UBE2D2: variants seen among roughly 807,000 people sequenced by gnomAD.
UBE2D2 encodes ubiquitin conjugating enzyme E2 D2, also known as ubiquitin-conjugating enzyme E2 D2.
A neutral mutation model predicts 24.2 loss-of-function variants in UBE2D2; 2 were observed. The observed-to-expected ratio is 0.08, with a 90% CI of 0.03 to 0.26. UBE2D2 has a LOEUF of 0.26. Ranked by LOEUF, UBE2D2 falls within the 10% of genes least tolerant of loss-of-function variation. UBE2D2 has a pLI of 1.00. For missense variants in UBE2D2, 44 were observed against 177.6 expected (o/e 0.25, Z 4.28); for synonymous variants, 58 against 56.5 (o/e 1.03, Z -0.12).
intron 2 of UBE2D2, among the ~76,000 whole-genome samples, chr5:139,606,393 C>T (rs1279735140): frequency 6.6e-6 from 1 of 151,994 alleles, no homozygotes; most frequent in Non-Finnish European, 1.5e-5. Context: ...GAACTCCTGA[C>T]CTCAGGTGAT....
chr5:139,561,874 T>A, intron 1 of UBE2D2, 59 bp downstream of exon 1: 1 of 1,428,352 alleles, frequency 7.0e-7, no homozygotes, highest in Non-Finnish European at 9.1e-7. Flanking sequence ...GGCCTGCACT[T>A]CCCGCCGTAG....
chr5:139,528,696 G>A (rs982256911), intron 1 of UBE2D2, among the ~76,000 whole-genome samples: 3 of 152,190 alleles, frequency 2.0e-5, no homozygotes, highest in Non-Finnish European at 2.9e-5. Flanking sequence ...ACCAAAGCTT[G>A]CTCTGTGAAA....
chr5:139,607,319 T>G (rs1249815125), intron 2 of UBE2D2, among the ~76,000 whole-genome samples: 2 of 152,262 alleles, frequency 1.3e-5, no homozygotes, highest in Admixed American at 1.3e-4. Context: ...AATGCTTTAA[T>G]TACATTCATG....
chr5:139,580,871 C>G (rs1206431182), intron 1 of UBE2D2, among the ~76,000 whole-genome samples: 1 of 152,172 alleles, frequency 6.6e-6, no homozygotes, highest in Non-Finnish European at 1.5e-5. Flanking sequence ...AGCTATGATT[C>G]ACACCACTGT....
At chr5:139,587,070 G>A (rs961065574) in intron 1 of UBE2D2, among the ~76,000 whole-genome samples, 2 of 152,154 alleles carry the variant, frequency 1.3e-5, no homozygotes, top group Non-Finnish European at 2.9e-5. Context: ...ACCTGGGGTT[G>A]TTGGCCTCAT....
chr5:139,581,986 T>G (rs400752), intron 1 of UBE2D2, among the ~76,000 whole-genome samples: 9,318 of 151,560 alleles, frequency 0.061, 335 homozygotes, highest in South Asian at 0.11. Flanking sequence ...GGTTTTTTTT[T>G]GTTTTTGTTT....
intron 1 of UBE2D2, among the ~76,000 whole-genome samples, chr5:139,551,933 G>A (rs939104172): frequency 3.9e-5 from 6 of 152,176 alleles, no homozygotes; most frequent in African/African-American, 1.4e-4. Flanking sequence ...CATGGATATG[G>A]TGCCAGATCC....
At chr5:139,607,717 G>GA (rs1166074625) in intron 2 of UBE2D2, among the ~76,000 whole-genome samples, 2 of 152,152 alleles carry the variant, frequency 1.3e-5, no homozygotes, top group Non-Finnish European at 2.9e-5. Context: ...AATAATGTAA[G>GA]AATGTTCGGC....
At chr5:139,600,912 C>T (rs1482552104) in intron 2 of UBE2D2, among the ~76,000 whole-genome samples, 2 of 152,172 alleles carry the variant, frequency 1.3e-5, no homozygotes, top group South Asian at 2.1e-4. Context: ...AAGTGATTCT[C>T]GTGCCTCAGC....
At chr5:139,578,526 C>T (rs1169106081) in intron 1 of UBE2D2, among the ~76,000 whole-genome samples, 4 of 151,934 alleles carry the variant, frequency 2.6e-5, no homozygotes, top group East Asian at 1.9e-4. Context: ...AATCACGGCT[C>T]ACTGCAGCCT....
intron 1 of UBE2D2, among the ~76,000 whole-genome samples, chr5:139,590,043 C>G (rs1358723375): frequency 6.6e-6 from 1 of 152,084 alleles, no homozygotes; most frequent in East Asian, 1.9e-4. Flanking sequence ...CTTGGCCTCC[C>G]AAAGTGCTGG....
intron 1 of UBE2D2, among the ~76,000 whole-genome samples, chr5:139,572,359 G>A (rs1384924964): frequency 1.3e-5 from 2 of 152,138 alleles, no homozygotes; most frequent in Admixed American, 1.3e-4. Context: ...AGCACTTTGG[G>A]AAGCCAAGGC....
At chr5:139,548,652 TTCCTTCACACCACGA>T (rs1251068312) in intron 1 of UBE2D2, among the ~76,000 whole-genome samples, 1 of 152,134 alleles carries the variant, frequency 6.6e-6, no homozygotes, top group Non-Finnish European at 1.5e-5. Context: ...TATCGAGCAT[TTCCTTCACACCACGA>T]ACTTTATACA....
intron 1 of UBE2D2, among the ~76,000 whole-genome samples, chr5:139,565,475 G>A (rs1581495022): frequency 6.6e-6 from 1 of 152,150 alleles, no homozygotes; most frequent in African/African-American, 2.4e-5. Flanking sequence ...GTTTTCTGCT[G>A]ACTTTTTAGG....
intron 2 of UBE2D2, among the ~76,000 whole-genome samples, chr5:139,604,003 T>C (rs1399157630): frequency 6.6e-6 from 1 of 152,028 alleles, no homozygotes; most frequent in Non-Finnish European, 1.5e-5. Context: ...AAAATAGATA[T>C]TATTAGACTT....
At chr5:139,552,966 G>A (rs1222761764) in intron 1 of UBE2D2, among the ~76,000 whole-genome samples, 3 of 152,026 alleles carry the variant, frequency 2.0e-5, no homozygotes, top group East Asian at 1.9e-4. Flanking sequence ...ACAGGCATGA[G>A]CCACCGCACC....
intron 1 of UBE2D2, among the ~76,000 whole-genome samples, chr5:139,530,455 A>C (rs569996899): frequency 2.0e-5 from 3 of 152,202 alleles, no homozygotes; most frequent in Non-Finnish European, 4.4e-5. Context: ...AGAATCATAC[A>C]ATACTATAGA....
intron 1 of UBE2D2, among the ~76,000 whole-genome samples, chr5:139,593,026 C>T (rs1222852277): frequency 5.7e-4 from 75 of 131,246 alleles, no homozygotes; most frequent in Non-Finnish European, 1.8e-4. Context: ...GGCAGAGTCT[C>T]GCTCTGTTAC....
intron 1 of UBE2D2, among the ~76,000 whole-genome samples, chr5:139,564,022 A>G (rs969082506): frequency 6.6e-6 from 1 of 152,204 alleles, no homozygotes; most frequent in Non-Finnish European, 1.5e-5. Flanking sequence ...CTTTGACACA[A>G]AACATACGTT....
Sources: gnomAD v4.1 joint callset for allele counts (sites outside exome capture counted in the v4.1 genomes callset) on GRCh38, gnomAD v4.1.1 for gene constraint, MANE v1.5 for transcripts, NCBI Gene and HGNC (gene_info 2026-07-23, HGNC 2026-07-21) for gene names.